The following MRPS6 variants were observed in gnomAD, a reference collection of about 807,000 sequenced individuals.
MRPS6 encodes the protein small ribosomal subunit protein bS6m.
Under a neutral mutation model 13.1 loss-of-function variants are expected in MRPS6, and 6 were observed. That is an observed-to-expected ratio of 0.46 (90% CI 0.25 to 0.91). MRPS6 has a LOEUF of 0.91. Among genes scored for constraint, MRPS6 ranks in the 40% least tolerant of loss-of-function variants. The pLI is 0.18. For synonymous variants in MRPS6, 61 were observed against 56.5 expected (o/e 1.08, Z -0.36); for missense variants, 164 against 155.6 (o/e 1.05, Z -0.29).
rs572442621 is a variant in MRPS6, at chr21:34,139,844, C to T, written c.186-2564C>T. Among the ~76,000 whole-genome samples the T allele has an allele frequency of 7.9e-5, 12 of 152,292 alleles. No individual in the cohort carries two copies. In the East Asian group the frequency reaches 9.6e-4, roughly 12 times the overall value. On this transcript the variant is annotated intron_variant, in intron 2 of 2. Transcript: ENST00000399312. ...CTGCCTGTCTAGGCCTCCCAAAGTG[C>T]TGGTATTACAGGTGTGAGCCCCAGC... is the stretch of plus-strand genomic sequence containing the variant.
chr21:34,100,500 A>G (rs927348511), intron 1 of MRPS6: 7 of 1,000,104 alleles, frequency 7.0e-6, no homozygotes, highest in East Asian at 1.1e-4. Context: ...CCTAAATTCA[A>G]TAGATCTCAT....
chr21:34,101,468 A>C, intron 1 of MRPS6: 1 of 1,000,072 alleles, frequency 1.0e-6, no homozygotes, highest in Non-Finnish European at 1.2e-6. Context: ...AAGGCATTTC[A>C]GTGTTGATAA....
intron 1 of MRPS6, among the ~76,000 whole-genome samples, chr21:34,111,608 CTT>C (rs992513578): frequency 1.3e-5 from 2 of 152,192 alleles, no homozygotes; most frequent in African/African-American, 4.8e-5. Flanking sequence ...CTCTGGATAA[CTT>C]TGAGGCAGTT....
intron 1 of MRPS6, among the ~76,000 whole-genome samples, chr21:34,108,644 C>G (rs995946515): frequency 6.6e-6 from 1 of 152,184 alleles, no homozygotes; most frequent in Non-Finnish European, 1.5e-5. Flanking sequence ...TGATGCAACT[C>G]ATTTTGTTGA....
intron 2 of MRPS6, among the ~76,000 whole-genome samples, chr21:34,138,438 T>A (rs1386264009): frequency 2.6e-5 from 4 of 152,098 alleles, no homozygotes; most frequent in Non-Finnish European, 4.4e-5. Context: ...TTTGAACTAC[T>A]CATCTAACAA....
At chr21:34,100,292 A>T in intron 1 of MRPS6, 1 of 1,000,238 alleles carries the variant, frequency 1.0e-6, no homozygotes, top group South Asian at 4.7e-5. Flanking sequence ...TTACATTGGT[A>T]TGCAGGATGA....
chr21:34,103,779 G>GT, intron 1 of MRPS6: 4 of 1,000,090 alleles, frequency 4.0e-6, no homozygotes, highest in Non-Finnish European at 4.8e-6. Context: ...ATCTCAATAA[G>GT]TTTGTACCAC....
At chr21:34,091,695 A>G (rs1348245223) in intron 1 of MRPS6, among the ~76,000 whole-genome samples, 2 of 152,226 alleles carry the variant, frequency 1.3e-5, no homozygotes, top group East Asian at 1.9e-4. Context: ...GTGCAAAACA[A>G]TAAAATACTA....
At chr21:34,141,231 C>G (rs917929561) in intron 2 of MRPS6, among the ~76,000 whole-genome samples, 3 of 152,188 alleles carry the variant, frequency 2.0e-5, no homozygotes, top group Non-Finnish European at 4.4e-5. Flanking sequence ...CCTATGGCAA[C>G]TGTGCTTTAG....
chr21:34,125,457 C>A lies in MRPS6; in HGVS notation c.162C>A (p.His54Gln), dbSNP rs764390198. The A allele has an allele frequency of 7.4e-6, 12 of 1,613,918 alleles. No homozygotes were observed. The highest frequency in any genetic ancestry group is 7.6e-6 in the Non-Finnish European group (9 of 1,179,934). Residue 54 changes from histidine to glutamine, a missense_variant, in exon 2 of 3, where the codon CAC (histidine) becomes CAA (glutamine). His to Gln is a conservative substitution (Grantham distance 24). Transcript: ENST00000399312. The stretch of plus-strand genomic sequence containing the variant: ...CGCTTCCTTATAGGATCTCTGCCCA[C>A]AGTCAGCAGCACAACAGAGGCGGGT... ...ERALPYRISAHSQQHNRGGYF... is the reference protein window; with the variant it reads ...ERALPYRISAQSQQHNRGGYF...
Position 34,142,662 on chromosome 21 carries a change from A to C in MRPS6, c.*62A>C. 1 of 1,471,936 alleles carries C rather than the reference A, an allele frequency of 6.8e-7. No homozygotes were observed. Among genetic ancestry groups the C allele is most frequent in the African/African-American group, 1.4e-5 (1 of 69,802 alleles). The allele number at this position is 1,471,936 out of a possible 1,614,324, so 91.2% of individuals were successfully genotyped here. On this transcript the variant is annotated 3_prime_UTR_variant, in exon 3 of 3. Transcript: ENST00000399312. Reference sequence around the variant, plus strand: ...TTCACATTTGGGCAGCATGGACGAGAAGGAAGAATTTGCAAGTTTGGCCTT... The same window carrying C: ...TTCACATTTGGGCAGCATGGACGAGCAGGAAGAATTTGCAAGTTTGGCCTT...
chr21:34,126,233 G>A (rs534283675), intron 2 of MRPS6, among the ~76,000 whole-genome samples: 2 of 152,302 alleles, frequency 1.3e-5, no homozygotes, highest in South Asian at 4.1e-4. Context: ...ACAGAACTCA[G>A]GTTATGGGTC....
At chr21:34,100,752 G>T in intron 1 of MRPS6, 1 of 999,992 alleles carries the variant, frequency 1.0e-6, no homozygotes, top group African/African-American at 1.7e-5. Context: ...GTCTGTATTC[G>T]CAGTCCATGG....
intron 1 of MRPS6, chr21:34,101,973 G>T (rs894793008): frequency 1.8e-4 from 176 of 999,906 alleles, no homozygotes; most frequent in Non-Finnish European, 2.0e-4. Context: ...AGGTTTTTTT[G>T]CAGTAAAAGT....
intron 1 of MRPS6, chr21:34,098,091 G>A (rs1165031980): frequency 1.0e-6 from 1 of 998,808 alleles, no homozygotes; most frequent in East Asian, 1.1e-4. Context: ...GTTGTTAAAT[G>A]ATTATGGGGG....
rs901590588 is a variant in MRPS6, at chr21:34,073,685, C to T, written c.-16C>T. 2.6e-6 allele frequency: 4 copies of T among 1,518,400 alleles called. No individual in the cohort carries two copies. The highest frequency in any genetic ancestry group is 2.7e-6 in the Non-Finnish European group (3 of 1,125,462). The allele number at this position is 1,518,400 out of a possible 1,614,324, so 94.1% of individuals were successfully genotyped here. On this transcript the variant is annotated 5_prime_UTR_variant, in exon 1 of 3. Coordinates refer to ENST00000399312, the MANE Select transcript of MRPS6 (RefSeq NM_032476.4). ...AACCGGCTGGCTTCCGAGCCGCACT[C>T]GCCGATCCTCCAGGCATGCCCCGCT... is the stretch of plus-strand genomic sequence containing the variant.
chr21:34,081,290 C>T (rs563034956), intron 1 of MRPS6, among the ~76,000 whole-genome samples: 2 of 152,074 alleles, frequency 1.3e-5, no homozygotes, highest in Admixed American at 6.6e-5. Flanking sequence ...TCCAGGTCAT[C>T]GATTCCATTC....
chr21:34,122,531 G>A (rs1000566361), intron 1 of MRPS6: 6 of 151,918 alleles, frequency 3.9e-5, no homozygotes, highest in Admixed American at 1.3e-4. Flanking sequence ...TGAGACAGAT[G>A]TAAGAAGAAA....
intron 1 of MRPS6, among the ~76,000 whole-genome samples, chr21:34,118,183 G>C (rs1262724588): frequency 1.3e-5 from 2 of 152,122 alleles, no homozygotes; most frequent in African/African-American, 2.4e-5. Flanking sequence ...CTTGAACAGT[G>C]TAGGGGTATG....
Sources: allele counts gnomAD v4.1 joint callset (sites outside exome capture counted in the v4.1 genomes callset), GRCh38; gene constraint gnomAD v4.1.1; transcripts MANE v1.5; gene names NCBI Gene and HGNC (gene_info 2026-07-23, HGNC 2026-07-21).